The following GMCL1 variants were observed in gnomAD, a reference collection of about 807,000 sequenced individuals.
GMCL1 encodes the protein germ cell-less protein-like 1.
A neutral mutation model predicts 75.5 loss-of-function variants in GMCL1; 54 were observed. That is an observed-to-expected ratio of 0.71 (90% CI 0.57 to 0.90). GMCL1 has a LOEUF of 0.90. GMCL1 is among the 40% of genes least tolerant of loss of function. GMCL1 has a pLI of 0.00. For missense variants in GMCL1, 537 were observed against 622.7 expected, an observed-to-expected ratio of 0.86 and a Z score of 1.47; for synonymous variants, 210 against 209.6, an observed-to-expected ratio of 1.00 and a Z score of -0.02.
At position 69,881,382 on chromosome 2, in the gene GMCL1, C is replaced by T. The variant is rs1044842065; in HGVS notation, c.*2378C>T. On this transcript the variant is annotated 3_prime_UTR_variant, in exon 14 of 14. Coordinates refer to ENST00000282570, the MANE Select transcript of GMCL1 (RefSeq NM_178439.5). ...AGTGTAAGATAAAGTATTGTATAAA[C>T]CATGGTTTGTGAAAGCTTTGTGTTT... 3 of 152,220 alleles carry T rather than the reference C, an allele frequency of 2.0e-5. No homozygotes were observed. Among genetic ancestry groups the T allele is most frequent in the African/African-American group, 7.2e-5 (3 of 41,548 alleles). 9.4% of individuals were successfully genotyped at this position (152,220 alleles called of 1,614,324 possible).
intron 9 of GMCL1, among the ~76,000 whole-genome samples, 170 bp from the exon 10 acceptor site, chr2:69,861,108 G>A (rs769588051): frequency 6.6e-6 from 1 of 152,172 alleles, no homozygotes; most frequent in East Asian, 1.9e-4. Flanking sequence ...CTCCCAAAGT[G>A]CTGGGATTAT....
At chr2:69,874,035 T>C (rs1265054942) in intron 13 of GMCL1, among the ~76,000 whole-genome samples, 1 of 152,046 alleles carries the variant, frequency 6.6e-6, no homozygotes, top group African/African-American at 2.4e-5. Context: ...CGGCATAATA[T>C]TAGTTGTTTT....
intron 11 of GMCL1, among the ~76,000 whole-genome samples, chr2:69,867,745 CAA>C (rs953665954): frequency 2.2e-4 from 34 of 152,190 alleles, no homozygotes; most frequent in African/African-American, 8.2e-4. Context: ...TGATTAAAGA[CAA>C]ACACCGTACC....
intron 9 of GMCL1, among the ~76,000 whole-genome samples, chr2:69,859,456 A>C (rs1675576581): frequency 6.6e-6 from 1 of 151,810 alleles, no homozygotes; most frequent in Non-Finnish European, 1.5e-5. Flanking sequence ...AATAGCAAGA[A>C]TGTAATTTTG....
chr2:69,829,888 G>T lies in GMCL1; in HGVS notation c.-5G>T. On this transcript the variant is annotated 5_prime_UTR_variant, in exon 1 of 14. Coordinates refer to ENST00000282570, the MANE Select transcript of GMCL1 (RefSeq NM_178439.5). ...GCTCCCTGAAGTCTCGGGGAGCCGTGACCCATGGGATCGTTGAGCAGCCGG... is the reference window on the plus strand; with the variant it reads ...GCTCCCTGAAGTCTCGGGGAGCCGTTACCCATGGGATCGTTGAGCAGCCGG... 1 of 1,589,020 alleles carries T rather than the reference G, an allele frequency of 6.3e-7. No individual in the cohort carries two copies. Among genetic ancestry groups the T allele is most frequent in the South Asian group, 1.1e-5 (1 of 88,426 alleles).
intron 1 of GMCL1, among the ~76,000 whole-genome samples, chr2:69,830,770 T>C (rs112283088): frequency 0.068 from 10,400 of 151,930 alleles, 952 homozygotes; most frequent in Admixed American, 0.22. Flanking sequence ...CCCCTTTTTT[T>C]TTTTTTTTTG....
chr2:69,871,559 GC>G (rs1230909620), intron 12 of GMCL1, among the ~76,000 whole-genome samples, 185 bp from the exon 13 acceptor site: 1 of 152,002 alleles, frequency 6.6e-6, no homozygotes, highest in Non-Finnish European at 1.5e-5. Flanking sequence ...ATTTCTCTTG[GC>G]CAGATATGTA....
chr2:69,835,227 CTA>C (rs912744199), intron 1 of GMCL1, among the ~76,000 whole-genome samples: 1 of 151,580 alleles, frequency 6.6e-6, no homozygotes, highest in Non-Finnish European at 1.5e-5. Flanking sequence ...AACAAACAAA[CTA>C]TTCTTTGGTT....
intron 6 of GMCL1, among the ~76,000 whole-genome samples, chr2:69,846,034 G>A (rs1184375818): frequency 6.6e-6 from 1 of 151,396 alleles, no homozygotes; most frequent in Admixed American, 6.6e-5. Context: ...GGAATAGAGG[G>A]AATTCAAATT....
chr2:69,870,734 A>G (rs1234690778), intron 12 of GMCL1, among the ~76,000 whole-genome samples: 1 of 152,262 alleles, frequency 6.6e-6, no homozygotes, highest in East Asian at 1.9e-4. Flanking sequence ...AAGAAGATAT[A>G]TAAATGGCTA....
chr2:69,841,550 A>C (rs1168392331), intron 4 of GMCL1, among the ~76,000 whole-genome samples: 1 of 152,254 alleles, frequency 6.6e-6, no homozygotes, highest in Non-Finnish European at 1.5e-5. Context: ...CAGAAAGCCA[A>C]AGGTAACTTA....
chr2:69,873,995 A>T (rs1477122134), intron 13 of GMCL1, among the ~76,000 whole-genome samples: 2 of 151,632 alleles, frequency 1.3e-5, no homozygotes, highest in Non-Finnish European at 2.9e-5. Flanking sequence ...TTGGTCAATA[A>T]ATATATATTC....
At chr2:69,863,043 A>G (rs991368382) in intron 10 of GMCL1, among the ~76,000 whole-genome samples, 7 of 152,158 alleles carry the variant, frequency 4.6e-5, no homozygotes, top group Admixed American at 3.3e-4. Context: ...ATACTGCACT[A>G]GAATAAGTCT....
At position 69,879,590 on chromosome 2, in the gene GMCL1, C is replaced by T. The variant is rs1485100507; in HGVS notation, c.*586C>T. 1 of 152,046 alleles carries T rather than the reference C, an allele frequency of 6.6e-6. No individual in the cohort carries two copies. The highest frequency in any genetic ancestry group is 6.6e-5 in the Admixed American group (1 of 15,266). 9.4% of individuals were successfully genotyped at this position (152,046 alleles called of 1,614,324 possible). A position where few individuals can be genotyped will look rare whatever the true frequency, so the allele number is the denominator to read the frequency against. On this transcript the variant is annotated 3_prime_UTR_variant, in exon 14 of 14. Transcript: ENST00000282570. ...GTTTTTAATCATTAAATATTTTCTT[C>T]CTGGTTTTGGAGACTAAGCTGATAA...
Position 69,879,269 on chromosome 2 carries a change from A to G in GMCL1, c.*265A>G. 1 of 230,292 alleles carries G rather than the reference A, an allele frequency of 4.3e-6. No individual in the cohort carries two copies. Among genetic ancestry groups the G allele is most frequent in the Non-Finnish European group, 8.4e-6 (1 of 119,040 alleles). The allele number at this position is 230,292 out of a possible 1,614,324, so 14.3% of individuals were successfully genotyped here. A position where few individuals can be genotyped will look rare whatever the true frequency, so the allele number is the denominator to read the frequency against. ...AAACCATTTCTGTTAGAACGATGTC[A>G]ATTCATGCTTTTAATTTAGCATCAA... On this transcript the variant is annotated 3_prime_UTR_variant, in exon 14 of 14. Transcript: ENST00000282570.
At chr2:69,833,341 G>A (rs574691871) in intron 1 of GMCL1, among the ~76,000 whole-genome samples, 7 of 152,120 alleles carry the variant, frequency 4.6e-5, no homozygotes, top group Non-Finnish European at 1.0e-4. Flanking sequence ...CGGGCCAGGC[G>A]TGGTGGCTCA....
At chr2:69,846,429 A>G (rs1271848942) in intron 6 of GMCL1, among the ~76,000 whole-genome samples, 1 of 152,238 alleles carries the variant, frequency 6.6e-6, no homozygotes, top group Non-Finnish European at 1.5e-5. Context: ...GATGATTTAA[A>G]GTATATGAGA....
chr2:69,843,129 G>A lies in GMCL1; in HGVS notation c.580-20G>A. 2.1e-6 allele frequency: 3 copies of A among 1,453,732 alleles called. No homozygotes were observed. Among genetic ancestry groups the A allele is most frequent in the South Asian group, 1.2e-5 (1 of 84,354 alleles). 90.1% of individuals were successfully genotyped at this position (1,453,732 alleles called of 1,614,324 possible). ...TTCCCACGTGAAATGGGCCTTTCCA[G>A]TGCTTATTTATATTTACAGGACGGT... On this transcript the variant is annotated intron_variant, in intron 4 of 13. Coordinates refer to ENST00000282570, the MANE Select transcript of GMCL1 (RefSeq NM_178439.5).
chr2:69,875,953 G>C (rs777594036), intron 13 of GMCL1, among the ~76,000 whole-genome samples: 31 of 152,196 alleles, frequency 2.0e-4, no homozygotes, highest in Non-Finnish European at 3.4e-4. Context: ...GGCTCCCAAA[G>C]TGCTGGGGTT....
Sources: gnomAD v4.1 joint callset for allele counts (sites outside exome capture counted in the v4.1 genomes callset) on GRCh38, gnomAD v4.1.1 for gene constraint, MANE v1.5 for transcripts, NCBI Gene and HGNC (gene_info 2026-07-23, HGNC 2026-07-21) for gene names.